SSX2IP: variants seen among roughly 807,000 people sequenced by gnomAD.
SSX2IP encodes SSX family member 2 interacting protein.
SSX2IP carries 55 observed loss-of-function variants against 84.9 expected under a neutral mutation model. The observed-to-expected ratio is 0.65, with a 90% CI of 0.52 to 0.81. SSX2IP has a LOEUF of 0.81. Ranked by LOEUF, SSX2IP falls within the 30% of genes least tolerant of loss-of-function variation. The pLI, the probability that SSX2IP is intolerant of heterozygous loss-of-function variation, is 0.00. For missense variants in SSX2IP, 664 were observed against 705.2 expected, an observed-to-expected ratio of 0.94 and a Z score of 0.66; for synonymous variants, 239 against 234.7, an observed-to-expected ratio of 1.02 and a Z score of -0.17.
At chr1:84,661,872 AG>A (rs1652032252) in intron 8 of SSX2IP, among the ~76,000 whole-genome samples, 1 of 152,222 alleles carries the variant, frequency 6.6e-6, no homozygotes, top group Non-Finnish European at 1.5e-5. Flanking sequence ...GGATATTTAT[AG>A]TATCTAAATC....
At chr1:84,671,937 A>G (rs1653632963) in intron 1 of SSX2IP, among the ~76,000 whole-genome samples, 1 of 152,210 alleles carries the variant, frequency 6.6e-6, no homozygotes, top group Non-Finnish European at 1.5e-5. Context: ...TACAATATCA[A>G]AAGAACAAAA....
intron 5 of SSX2IP, 27 bp from the exon 6 acceptor site, chr1:84,664,579 C>A: frequency 1.3e-6 from 2 of 1,523,408 alleles, no homozygotes; most frequent in Non-Finnish European, 1.8e-6. Context: ...CTATTATAAG[C>A]CCAGTAACGA....
chr1:84,668,842 G>T (rs2102407994), intron 4 of SSX2IP, among the ~76,000 whole-genome samples: 1 of 152,090 alleles, frequency 6.6e-6, no homozygotes, highest in Middle Eastern at 3.4e-3. Context: ...TGGACCAACA[G>T]ATGAAAAACT....
At chr1:84,655,556 C>A in intron 11 of SSX2IP, 2 of 1,389,980 alleles carry the variant, frequency 1.4e-6, no homozygotes, top group Non-Finnish European at 1.9e-6. Context: ...AAAGAGATTT[C>A]TTGTGTAAAA....
intron 12 of SSX2IP, among the ~76,000 whole-genome samples, chr1:84,650,878 T>C (rs1044819592): frequency 6.6e-6 from 1 of 152,092 alleles, no homozygotes; most frequent in African/African-American, 2.4e-5. Flanking sequence ...CTAATTTTTT[T>C]GTATTTTTAG....
chr1:84,650,862 G>C (rs1417134756), intron 12 of SSX2IP, among the ~76,000 whole-genome samples: 1 of 152,022 alleles, frequency 6.6e-6, no homozygotes, highest in East Asian at 2.0e-4. Context: ...CCGCCACCAT[G>C]CCTGGCTAAT....
intron 11 of SSX2IP, chr1:84,655,532 A>G: frequency 7.4e-7 from 1 of 1,353,176 alleles, no homozygotes; most frequent in Non-Finnish European, 9.7e-7. Context: ...CCGTGGATGA[A>G]TGATGGATAC....
At chr1:84,651,825 T>C in intron 12 of SSX2IP, 58 bp downstream of exon 12, 1 of 1,012,740 alleles carries the variant, frequency 9.9e-7, no homozygotes, top group South Asian at 1.5e-5. Context: ...TATTTTGTAA[T>C]ATGTAAATAA....
rs779810958 is a variant in SSX2IP at position 84,662,301 on chromosome 1, G to A, written c.824C>T (p.Ala275Val). 2.8e-5 allele frequency: 45 copies of A among 1,607,720 alleles called. No homozygotes were observed. Among genetic ancestry groups the A allele is most frequent in the Non-Finnish European group, 3.5e-5 (41 of 1,175,990 alleles). The change falls in exon 8 of 14, where the codon GCA (alanine) becomes GTA (valine). Residue 275 changes from alanine to valine, a missense_variant. Ala to Val is a moderately conservative substitution (Grantham distance 64). Transcript: ENST00000342203. ...YRQKQILMEN[A>V]ELKKVLQQMK... ...TTGTTGAAGAACCTTCTTAAGTTCT[G>A]CATTTTCCATTAGGATTTGTTTCTG... is the stretch of plus-strand genomic sequence containing the variant.
chr1:84,688,495 G>A (rs1176200702), intron 1 of SSX2IP, among the ~76,000 whole-genome samples: 2 of 152,148 alleles, frequency 1.3e-5, no homozygotes, highest in Non-Finnish European at 2.9e-5. Context: ...GTCTTTTCAT[G>A]CACCTAATTT....
chr1:84,647,479 G>T lies in SSX2IP; in HGVS notation c.1799C>A (p.Ser600Tyr). 5 of 1,612,002 alleles carry T rather than the reference G, an allele frequency of 3.1e-6. No individual in the cohort carries two copies. Among genetic ancestry groups the T allele is most frequent in the Non-Finnish European group, 4.2e-6 (5 of 1,178,898 alleles). Residue 600 changes from serine to tyrosine, a missense_variant, in exon 14 of 14, where the codon TCC becomes TAC. Transcript: ENST00000342203. Reference protein sequence around the residue: ...GSQEGCYSGCSLSYTNSHVEK... With the variant: ...GSQEGCYSGCYLSYTNSHVEK... Reference sequence around the variant, plus strand: ...TACATGAGAATTTGTGTAGCTCAAGGAGCATCCACTATAGCAACCTTCCTG... The same window carrying T: ...TACATGAGAATTTGTGTAGCTCAAGTAGCATCCACTATAGCAACCTTCCTG...
At position 84,688,073 on chromosome 1, in the gene SSX2IP, T is replaced by C. The variant is rs191742416; in HGVS notation, c.-90+2298A>G. 6.1e-3 allele frequency among the ~76,000 whole-genome samples: 936 copies of C among 152,334 alleles called. 8 individuals carry two copies. The highest frequency in any genetic ancestry group is 7.0e-3 in the Non-Finnish European group (477 of 68,024). On this transcript the variant is annotated intron_variant, in intron 1 of 13. Coordinates refer to ENST00000342203, the MANE Select transcript of SSX2IP (RefSeq NM_001166293.2). ...TCTTTTTATCCTCAGGTCAGGCAAG[T>C]AGCAGCTTACTAAGCGTTTAATGAA...
At chr1:84,682,868 T>G (rs1557530492) in intron 1 of SSX2IP, among the ~76,000 whole-genome samples, 1 of 152,184 alleles carries the variant, frequency 6.6e-6, no homozygotes, top group Non-Finnish European at 1.5e-5. Context: ...CAAATGAGAT[T>G]CTACCTAATT....
chr1:84,663,633 A>G (rs1652353496), intron 6 of SSX2IP, among the ~76,000 whole-genome samples: 2 of 152,228 alleles, frequency 1.3e-5, no homozygotes, highest in South Asian at 4.1e-4. Flanking sequence ...AGTCTACCAC[A>G]TGACAGCCTG....
At chr1:84,652,889 G>A (rs972601613) in intron 11 of SSX2IP, among the ~76,000 whole-genome samples, 6 of 151,722 alleles carry the variant, frequency 4.0e-5, no homozygotes, top group East Asian at 1.9e-4. Context: ...AAAATTAGCC[G>A]GGTGTGGTGG....
chr1:84,645,064 A>G lies in SSX2IP; in HGVS notation c.*2369T>C, dbSNP rs115064597. The G allele has an allele frequency of 1.0e-3, 159 of 152,348 alleles. 1 individual carries two copies. Among genetic ancestry groups the G allele is most frequent in the African/African-American group, 3.6e-3 (149 of 41,586 alleles). The allele number at this position is 152,348 out of a possible 1,614,324, so 9.4% of individuals were successfully genotyped here. On this transcript the variant is annotated 3_prime_UTR_variant, in exon 14 of 14. Transcript: ENST00000342203. ...GATAAAAACAAATGAAGTACAAAATATTTCAGATTTACATAGTGATAAACA... is the reference window on the plus strand; with the variant it reads ...GATAAAAACAAATGAAGTACAAAATGTTTCAGATTTACATAGTGATAAACA...
chr1:84,671,250 A>T lies in SSX2IP; in HGVS notation c.-31T>A. The T allele has an allele frequency of 6.2e-7, 1 of 1,606,908 alleles. No individual in the cohort carries two copies. Among genetic ancestry groups the T allele is most frequent in the Non-Finnish European group, 8.5e-7 (1 of 1,176,484 alleles). The stretch of plus-strand genomic sequence containing the variant: ...TCTCTAGAGCCAGGATACCTGAGGA[A>T]CTAGTTCAGCAGTTAAACATTTAGT... On this transcript the variant is annotated 5_prime_UTR_variant, in exon 2 of 14. Transcript: ENST00000342203.
rs561450807 is a variant in SSX2IP, at chr1:84,681,485, GA to G, written c.-90+8885del. On this transcript the variant is annotated intron_variant, in intron 1 of 13. Transcript: ENST00000342203. ...TATATATATTTAGGGGAAAGTTCTG[GA>G]AAAGTTACAAAATGTCACAAATGAC... Among the ~76,000 whole-genome samples the G allele has an allele frequency of 1.7e-3, 258 of 152,280 alleles. 1 individual carries two copies. Among genetic ancestry groups the G allele is most frequent in the African/African-American group, 5.7e-3 (237 of 41,560 alleles).
intron 8 of SSX2IP, among the ~76,000 whole-genome samples, chr1:84,658,919 A>C (rs1394822074): frequency 6.6e-6 from 1 of 152,272 alleles, no homozygotes; most frequent in African/African-American, 2.4e-5. Context: ...TGAAGTATTT[A>C]ATAAAAGCAA....
Sources: allele counts gnomAD v4.1 joint callset (sites outside exome capture counted in the v4.1 genomes callset), GRCh38; gene constraint gnomAD v4.1.1; transcripts MANE v1.5; gene names NCBI Gene and HGNC (gene_info 2026-07-23, HGNC 2026-07-21).